MMP16: variants seen among roughly 807,000 people sequenced by gnomAD.
MMP16 encodes the protein matrix metallopeptidase 16, also known as matrix metalloproteinase-16.
MMP16 carries 12 observed loss-of-function variants against 67.8 expected under a neutral mutation model. The ratio of observed to expected loss-of-function variants is 0.18; its 90% CI spans 0.11 to 0.29. The LOEUF (loss-of-function observed/expected upper bound fraction) is 0.29. Ranked by LOEUF, MMP16 falls within the 10% of genes least tolerant of loss-of-function variation. MMP16 has a pLI of 1.00. For missense variants in MMP16, 475 were observed against 765.7 expected (o/e 0.62, Z 4.48); for synonymous variants, 249 against 255.9 (o/e 0.97, Z 0.26).
intron 7 of MMP16, among the ~76,000 whole-genome samples, chr8:88,059,625 C>G (rs1459840204): frequency 6.6e-6 from 1 of 152,066 alleles, no homozygotes; most frequent in Admixed American, 6.6e-5. Context: ...TCACTTATAA[C>G]TGTCCTTTGA....
intron 6 of MMP16, among the ~76,000 whole-genome samples, chr8:88,077,290 T>C (rs549964366): frequency 6.6e-6 from 1 of 152,318 alleles, no homozygotes; most frequent in East Asian, 1.9e-4. Flanking sequence ...TCATGGTTAC[T>C]ATAGACTGCC....
At chr8:88,184,034 C>G (rs996536161) in intron 3 of MMP16, among the ~76,000 whole-genome samples, 2 of 152,164 alleles carry the variant, frequency 1.3e-5, no homozygotes, top group Non-Finnish European at 2.9e-5. Flanking sequence ...GCGCAAGCCA[C>G]CGCGCCCGGC....
Position 88,327,466 on chromosome 8 carries a change from C to G in MMP16, c.-260G>C. On this transcript the variant is annotated 5_prime_UTR_variant, in exon 1 of 10. Transcript: ENST00000286614. ...TCACCGGGAACGTGGCGCCTAAGTT[C>G]ACCGGCGGTTCCGGCTCAAAGAGCC... 4.3e-6 allele frequency: 2 copies of G among 467,184 alleles called. No individual in the cohort carries two copies. Among genetic ancestry groups the G allele is most frequent in the South Asian group, 3.9e-5 (2 of 50,878 alleles). The allele number at this position is 467,184 out of a possible 1,614,324, so 28.9% of individuals were successfully genotyped here.
chr8:88,241,955 A>T (rs2129902977), intron 1 of MMP16, among the ~76,000 whole-genome samples: 1 of 152,330 alleles, frequency 6.6e-6, no homozygotes, highest in Middle Eastern at 3.4e-3. Flanking sequence ...TGATTTACAT[A>T]ATTATAGGTA....
chr8:88,122,467 T>G (rs1203760139), intron 4 of MMP16, among the ~76,000 whole-genome samples: 1 of 151,996 alleles, frequency 6.6e-6, no homozygotes, highest in Non-Finnish European at 1.5e-5. Context: ...AAACTTCTGA[T>G]GCTCTTAATA....
chr8:88,161,136 T>C (rs566691166), intron 4 of MMP16, among the ~76,000 whole-genome samples: 210 of 152,342 alleles, frequency 1.4e-3, no homozygotes, highest in Middle Eastern at 3.4e-3. Flanking sequence ...CAGCTCCTCC[T>C]TGTACCTCTG....
intron 3 of MMP16, among the ~76,000 whole-genome samples, chr8:88,172,308 CTCT>C (rs1808816588): frequency 6.6e-6 from 1 of 151,986 alleles, no homozygotes; most frequent in Admixed American, 6.6e-5. Flanking sequence ...ATTTAATGAT[CTCT>C]GACAACACAT....
chr8:88,288,110 T>C (rs893026263), intron 1 of MMP16, among the ~76,000 whole-genome samples: 68 of 152,350 alleles, frequency 4.5e-4, no homozygotes, highest in African/African-American at 1.6e-3. Context: ...TCATTTACTT[T>C]AGACTCACAA....
chr8:88,157,198 C>T (rs566137638), intron 4 of MMP16, among the ~76,000 whole-genome samples: 64 of 152,192 alleles, frequency 4.2e-4, no homozygotes, highest in African/African-American at 1.3e-3. Flanking sequence ...AAAAAATACA[C>T]GGTTGCATCT....
chr8:88,255,347 A>C (rs1810285657), intron 1 of MMP16, among the ~76,000 whole-genome samples: 2 of 152,162 alleles, frequency 1.3e-5, no homozygotes, highest in Admixed American at 6.5e-5. Flanking sequence ...CGCCAGAAGC[A>C]GATGCCAGCA....
In MMP16 at chr8:88,098,115, T is replaced by C. The variant is rs148587329; in HGVS notation, c.1083+18392A>G. Among the ~76,000 whole-genome samples, 358 of 152,088 alleles carry C rather than the reference T, an allele frequency of 2.4e-3. 4 individuals are homozygous for C. Among genetic ancestry groups the C allele is most frequent in the African/African-American group, 8.2e-3 (342 of 41,546 alleles). ...ATGACCCAAAGAACTCACTGAAAAC[T>C]ATTATGCTCATCGATATGTTTTATT... is the stretch of plus-strand genomic sequence containing the variant. On this transcript the variant is annotated intron_variant, in intron 6 of 9. Coordinates refer to ENST00000286614, the MANE Select transcript of MMP16 (RefSeq NM_005941.5).
chr8:88,099,606 T>C (rs1489210342), intron 6 of MMP16, among the ~76,000 whole-genome samples: 2 of 151,858 alleles, frequency 1.3e-5, no homozygotes, highest in Non-Finnish European at 2.9e-5. Flanking sequence ...ACTGAAATTC[T>C]CATCAAGGTA....
rs73694258 is a variant in MMP16 at position 88,163,474 on chromosome 8, T to C, written c.709+4195A>G. On this transcript the variant is annotated intron_variant, in intron 4 of 9. Coordinates refer to ENST00000286614, the MANE Select transcript of MMP16 (RefSeq NM_005941.5). Reference sequence around the variant, plus strand: ...GTGAACTTCCTGACAGTAAGCAGCGTAACTGCAATGTATTCTTTTTAAAGA... The same window carrying C: ...GTGAACTTCCTGACAGTAAGCAGCGCAACTGCAATGTATTCTTTTTAAAGA... Among the ~76,000 whole-genome samples, 1,044 of 152,178 alleles carry C rather than the reference T, an allele frequency of 6.9e-3. 8 individuals are homozygous for C. Among genetic ancestry groups the C allele is most frequent in the African/African-American group, 0.024 (996 of 41,548 alleles).
At chr8:88,061,440 C>T (rs1808399134) in intron 7 of MMP16, among the ~76,000 whole-genome samples, 1 of 152,024 alleles carries the variant, frequency 6.6e-6, no homozygotes, top group Non-Finnish European at 1.5e-5. Context: ...TAGGGTACAT[C>T]TTGTGTCAGC....
chr8:88,317,180 TG>T (rs1354552980), intron 1 of MMP16, among the ~76,000 whole-genome samples: 1 of 152,130 alleles, frequency 6.6e-6, no homozygotes, highest in Non-Finnish European at 1.5e-5. Context: ...ACTCTAATTT[TG>T]AAAAAAGTTC....
chr8:88,306,215 C>T (rs1178888669), intron 1 of MMP16, among the ~76,000 whole-genome samples: 1 of 152,062 alleles, frequency 6.6e-6, no homozygotes, highest in Admixed American at 6.6e-5. Flanking sequence ...GATGCATACA[C>T]ACTCCCAAGA....
At chr8:88,090,324 T>C (rs919667782) in intron 6 of MMP16, among the ~76,000 whole-genome samples, 10 of 152,082 alleles carry the variant, frequency 6.6e-5, no homozygotes, top group East Asian at 1.9e-4. Flanking sequence ...ACTATTTCAA[T>C]TGAACTGAAA....
intron 4 of MMP16, among the ~76,000 whole-genome samples, chr8:88,157,275 A>G (rs1452573782): frequency 6.6e-6 from 1 of 152,098 alleles, no homozygotes; most frequent in Non-Finnish European, 1.5e-5. Flanking sequence ...TATAACCACT[A>G]TTTACATAGC....
At chr8:88,308,058 C>T (rs1421668142) in intron 1 of MMP16, among the ~76,000 whole-genome samples, 2 of 151,940 alleles carry the variant, frequency 1.3e-5, no homozygotes, top group Non-Finnish European at 2.9e-5. Context: ...GTGGACAGAA[C>T]TGTATTCAGA....
Sources: allele counts gnomAD v4.1 joint callset (sites outside exome capture counted in the v4.1 genomes callset), GRCh38; gene constraint gnomAD v4.1.1; transcripts MANE v1.5; gene names NCBI Gene and HGNC (gene_info 2026-07-23, HGNC 2026-07-21).